The following CALD1 variants were observed in gnomAD, a reference collection of about 807,000 sequenced individuals.
CALD1 encodes the protein caldesmon 1, also known as caldesmon.
Under a neutral mutation model 99.9 loss-of-function variants are expected in CALD1, and 33 were observed. The ratio of observed to expected loss-of-function variants is 0.33; its 90% CI spans 0.25 to 0.44. The LOEUF is 0.44. Ranked by LOEUF, CALD1 falls within the 20% of genes least tolerant of loss-of-function variation. The pLI is 1.00. For missense variants in CALD1, 861 were observed against 962.1 expected (o/e 0.89, Z 1.39); for synonymous variants, 310 against 325.0 (o/e 0.95, Z 0.50).
At chr7:134,952,332 C>G (rs559214876) in intron 9 of CALD1, among the ~76,000 whole-genome samples, 1 of 152,000 alleles carries the variant, frequency 6.6e-6, no homozygotes, top group African/African-American at 2.4e-5. Context: ...ATAGCGAGGT[C>G]TGGATGGTTA....
intron 3 of CALD1, among the ~76,000 whole-genome samples, chr7:134,928,428 C>CAAAAAAAAAAAAAAAAA (rs11355152): frequency 1.8e-5 from 1 of 55,652 alleles, no homozygotes; most frequent in Non-Finnish European, 3.1e-5. Context: ...GACTGGGTCT[C>CAAAAAAAAAAAAAAAAA]AAAAAAAAAA....
At chr7:134,917,741 G>C (rs1210795183) in intron 3 of CALD1, among the ~76,000 whole-genome samples, 3 of 152,154 alleles carry the variant, frequency 2.0e-5, no homozygotes, top group African/African-American at 7.2e-5. Flanking sequence ...GAAAACCCAG[G>C]TAGTAACTGG....
intron 3 of CALD1, among the ~76,000 whole-genome samples, chr7:134,911,695 T>C (rs541323190): frequency 6.6e-6 from 1 of 152,358 alleles, no homozygotes; most frequent in South Asian, 2.1e-4. Context: ...TATTCAGGTA[T>C]AGGTTAGCCT....
intron 14 of CALD1, among the ~76,000 whole-genome samples, chr7:134,966,256 G>A (rs1808674612): frequency 6.6e-6 from 1 of 152,200 alleles, no homozygotes; most frequent in African/African-American, 2.4e-5. Context: ...TGCAGTGAGA[G>A]AATTACCTTC....
intron 3 of CALD1, among the ~76,000 whole-genome samples, chr7:134,871,836 A>G (rs2132351400): frequency 6.6e-6 from 1 of 152,336 alleles, no homozygotes; most frequent in Admixed American, 6.5e-5. Flanking sequence ...CGGTGTTATA[A>G]CCACAGATTA....
chr7:134,911,125 G>A (rs534035987), intron 3 of CALD1, among the ~76,000 whole-genome samples: 19 of 151,764 alleles, frequency 1.3e-4, no homozygotes, highest in Admixed American at 7.9e-4. Context: ...GGCTGCCGCC[G>A]CCACTCCTCG....
At chr7:134,925,172 G>T (rs1283306692) in intron 3 of CALD1, among the ~76,000 whole-genome samples, 1 of 152,166 alleles carries the variant, frequency 6.6e-6, no homozygotes, top group Non-Finnish European at 1.5e-5. Context: ...TACCAAGCAA[G>T]AAGAGGTAGA....
At chr7:134,777,050 T>A (rs1796924167), upstream of CALD1, among the ~76,000 whole-genome samples, 1 of 152,254 alleles carries the variant, frequency 6.6e-6, no homozygotes, top group South Asian at 2.1e-4. Context: ...CCTATATAAA[T>A]CTCGTGTATT....
intron 3 of CALD1, among the ~76,000 whole-genome samples, chr7:134,907,667 T>TA (rs913432488): frequency 4.0e-5 from 6 of 151,726 alleles, no homozygotes; most frequent in South Asian, 2.1e-4. Context: ...GTTTGGACTT[T>TA]AAAAAAAAAT....
the CALD1 span, among the ~76,000 whole-genome samples, chr7:134,735,720 C>T: frequency 6.6e-6 from 1 of 152,136 alleles, no homozygotes; most frequent in South Asian, 2.1e-4. Flanking sequence ...TGTCCTATTG[C>T]CGTAAGGGCA....
chr7:134,910,722 T>C (rs576549371), intron 3 of CALD1, among the ~76,000 whole-genome samples: 1 of 152,242 alleles, frequency 6.6e-6, no homozygotes, highest in African/African-American at 2.4e-5. Context: ...ACCAGTTGAC[T>C]CCGTTTGACT....
At chr7:134,732,343 GTACTGGTGAAAT>G in the CALD1 span, among the ~76,000 whole-genome samples, 1 of 152,192 alleles carries the variant, frequency 6.6e-6, no homozygotes, top group Non-Finnish European at 1.5e-5. Flanking sequence ...GAATGTTTGA[GTACTGGTGAAAT>G]TCATATGTTG....
chr7:134,948,757 C>T (rs1401446748), intron 8 of CALD1, among the ~76,000 whole-genome samples: 1 of 152,012 alleles, frequency 6.6e-6, no homozygotes, highest in Non-Finnish European at 1.5e-5. Flanking sequence ...AATTTGGATA[C>T]ATTATTTTGA....
At chr7:134,903,309 G>T (rs530022364) in intron 3 of CALD1, among the ~76,000 whole-genome samples, 2 of 152,072 alleles carry the variant, frequency 1.3e-5, no homozygotes, top group Non-Finnish European at 2.9e-5. Context: ...TGATACTGAT[G>T]TGTCACTGCA....
intron 3 of CALD1, among the ~76,000 whole-genome samples, chr7:134,871,063 C>T (rs1801049526): frequency 6.6e-6 from 1 of 152,148 alleles, no homozygotes; most frequent in African/African-American, 2.4e-5. Context: ...GCAAGTCCCT[C>T]TTCCTTTAGC....
chr7:134,850,409 G>A (rs1434698677), intron 2 of CALD1, among the ~76,000 whole-genome samples: 4 of 152,104 alleles, frequency 2.6e-5, no homozygotes, highest in African/African-American at 9.7e-5. Flanking sequence ...GTAGACCCCA[G>A]CTCTACCACT....
At chr7:134,758,976 A>G (rs1796754067) in intron 1 of CALD1, among the ~76,000 whole-genome samples, 1 of 152,208 alleles carries the variant, frequency 6.6e-6, no homozygotes, top group South Asian at 2.1e-4. Context: ...AAAAATTCCT[A>G]CAGGCCAATT....
At chr7:134,920,901 C>G (rs1804572319) in intron 3 of CALD1, among the ~76,000 whole-genome samples, 3 of 152,152 alleles carry the variant, frequency 2.0e-5, no homozygotes, top group Admixed American at 1.3e-4. Flanking sequence ...CTCTTTAAGT[C>G]TTTTATAACT....
chr7:134,927,792 C>G (rs984528030), intron 3 of CALD1, among the ~76,000 whole-genome samples: 5 of 150,684 alleles, frequency 3.3e-5, no homozygotes, highest in Non-Finnish European at 5.9e-5. Context: ...TACCAATTGT[C>G]AGTAACACCT....
Sources: gnomAD v4.1 joint callset for allele counts (sites outside exome capture counted in the v4.1 genomes callset) on GRCh38, gnomAD v4.1.1 for gene constraint, MANE v1.5 for transcripts, NCBI Gene and HGNC (gene_info 2026-07-23, HGNC 2026-07-21) for gene names.